The following RNF31 variants were observed in gnomAD, a reference collection of about 807,000 sequenced individuals.
The protein encoded by RNF31 is E3 ubiquitin-protein ligase RNF31.
Under a neutral mutation model 133.6 loss-of-function variants are expected in RNF31, and 38 were observed. The ratio of observed to expected loss-of-function variants is 0.28; its 90% CI spans 0.22 to 0.37. The LOEUF is 0.37. Among genes scored for constraint, RNF31 ranks in the 10% least tolerant of loss-of-function variants. The pLI is 1.00. For synonymous variants in RNF31, 582 were observed against 552.3 expected, an observed-to-expected ratio of 1.05 and a Z score of -0.75; for missense variants, 1,118 against 1,394.1, an observed-to-expected ratio of 0.80 and a Z score of 3.15.
In RNF31 at chr14:24,150,465, G is replaced by C. The variant is rs940026197; in HGVS notation, c.1197+17G>C. 4 of 1,598,712 alleles carry C rather than the reference G, an allele frequency of 2.5e-6. No homozygotes were observed. In the South Asian group the frequency reaches 4.5e-5, roughly 18 times the overall value. On this transcript the variant is annotated intron_variant, in intron 7 of 20. Coordinates refer to ENST00000324103, the MANE Select transcript of RNF31 (RefSeq NM_017999.5). ...CCCCTTCAGGTAACTGGCCTTCCCAGCTCTTTATCGTGTGTTACCTCAGGC... is the reference window on the plus strand; with the variant it reads ...CCCCTTCAGGTAACTGGCCTTCCCACCTCTTTATCGTGTGTTACCTCAGGC...
intron 15 of RNF31, 53 bp downstream of exon 15, chr14:24,157,457 C>T: frequency 6.2e-7 from 1 of 1,602,320 alleles, no homozygotes; most frequent in East Asian, 2.2e-5. Context: ...TTGCCAGCAG[C>T]TCTCTTCCTG....
chr14:24,149,464 A>G lies in RNF31; in HGVS notation c.690A>G (p.Pro230=), dbSNP rs751749904. ...CTGCCCCAGGCACACTGCACTGCCCATCCTGTAAACAGGCCCTGTGTCCAG... is the reference window on the plus strand; with the variant it reads ...CTGCCCCAGGCACACTGCACTGCCCGTCCTGTAAACAGGCCCTGTGTCCAG... ...CGSAPGTLHC[P]SCKQALCPAC... is the part of the protein sequence containing the mutation. Residue 230 remains proline (P), a synonymous_variant, in exon 6 of 21, where the codon CCA becomes CCG. Coordinates refer to ENST00000324103, the MANE Select transcript of RNF31 (RefSeq NM_017999.5). The G allele has an allele frequency of 4.4e-5, 71 of 1,613,976 alleles. No individual in the cohort carries two copies. Among genetic ancestry groups the G allele is most frequent in the Non-Finnish European group, 5.8e-5 (69 of 1,180,002 alleles).
Position 24,148,378 on chromosome 14 carries a change from C to A in RNF31, c.460C>A (p.Leu154Met), listed in dbSNP as rs2038206426. The A allele has an allele frequency of 2.5e-6, 4 of 1,614,120 alleles. No individual in the cohort carries two copies. The highest frequency in any genetic ancestry group is 3.4e-6 in the Non-Finnish European group (4 of 1,180,032). ...GGTTGCTACAGTCACACTGGAAGTA[C>A]TGCTGCTTCGGACAGAGCTCAGCCT... is the stretch of plus-strand genomic sequence containing the variant. ...HQVATVTLEVLLLRTELSLLL... is the reference protein window; with the variant it reads ...HQVATVTLEVMLLRTELSLLL... The change falls in exon 3 of 21, where the codon CTG becomes ATG. Residue 154 changes from leucine (L) to methionine (M), a missense_variant. By Grantham distance (15) the Leu-to-Met change is conservative. Transcript: ENST00000324103.
chr14:24,149,016 T>A, intron 5 of RNF31, 140 bp downstream of exon 5: 1 of 820,670 alleles, frequency 1.2e-6, no homozygotes, highest in Non-Finnish European at 2.0e-6. Flanking sequence ...CAGGCTGGAG[T>A]GCAATGGTGC....
At chr14:24,146,915 A>G, upstream of RNF31, 1 of 430,630 alleles carries the variant, frequency 2.3e-6, no homozygotes. Flanking sequence ...GGGGTAAGAG[A>G]GGTGGGAGTA....
chr14:24,154,984 C>T, intron 11 of RNF31, 173 bp from the exon 12 acceptor site: 1 of 620,098 alleles, frequency 1.6e-6, no homozygotes, highest in Non-Finnish European at 2.8e-6. Flanking sequence ...CTCCACCCGA[C>T]TGTCTTCAGA....
rs760391687 is a variant in RNF31, at chr14:24,157,274, A to T, written c.2494-16A>T. ...GGGATAGAGCTCCCATGTGAAGCCT[A>T]CTTTCCCTCTGGCAGTGGGAGGAGC... On this transcript the variant is annotated splice_polypyrimidine_tract_variant and intron_variant, in intron 14 of 20. Transcript: ENST00000324103. The T allele has an allele frequency of 6.3e-7, 1 of 1,581,044 alleles. No homozygotes were observed. The highest frequency in any genetic ancestry group is 8.6e-7 in the Non-Finnish European group (1 of 1,157,026).
chr14:24,153,034 T>C (rs2038290725), intron 11 of RNF31, among the ~76,000 whole-genome samples: 1 of 150,568 alleles, frequency 6.6e-6, no homozygotes, highest in African/African-American at 2.4e-5. Flanking sequence ...TGAGCCGAGA[T>C]CGCGCCACTG....
chr14:24,158,042 G>A (rs1379215440), intron 17 of RNF31, 31 bp downstream of exon 17: 1 of 1,610,670 alleles, frequency 6.2e-7, no homozygotes, highest in Non-Finnish European at 8.5e-7. Context: ...AAGAAGACAG[G>A]GCCCAGGGTG....
intron 11 of RNF31, 56 bp downstream of exon 11, chr14:24,152,048 C>T (rs2038275018): frequency 6.6e-6 from 10 of 1,511,984 alleles, no homozygotes; most frequent in Admixed American, 3.8e-5. Flanking sequence ...TTTGGACCCC[C>T]ATCCTACCCC....
In RNF31 at chr14:24,155,158, T is replaced by C. The variant is rs1289317869; in HGVS notation, c.2132T>C (p.Met711Thr). The C allele has an allele frequency of 6.2e-7, 1 of 1,613,706 alleles. No homozygotes were observed. The highest frequency in any genetic ancestry group is 8.5e-7 in the Non-Finnish European group (1 of 1,179,744). ...VCGWALPHNRMQALTSCECTI... is the reference protein window; with the variant it reads ...VCGWALPHNRTQALTSCECTI... The stretch of plus-strand genomic sequence containing the variant: ...CCCCTCCAACCCCTCACCCTCCAGA[T>C]GCAGGCCCTGACTTCCTGTGAGTGC... The change falls in exon 12 of 21, where the codon ATG (methionine) becomes ACG (threonine). Residue 711 changes from methionine to threonine, a missense_variant and splice_region_variant. Transcript: ENST00000324103. The surrounding 1 kb of genome is among the most constrained non-coding windows in gnomAD (Gnocchi z 4.9).
rs767904713 is a variant in RNF31, at chr14:24,150,109, C to T, written c.858C>T (p.Ala286=). The T allele has an allele frequency of 3.1e-6, 5 of 1,604,272 alleles. No individual in the cohort carries two copies. The Admixed American group carries it at 8.4e-5, about 27-fold the overall frequency. Reference sequence around the variant, plus strand: ...GGCCCCAGTCGACCTCCCTGCTGGCCCTGGGAGACAGCTCTCTTTCTTCCC... The same window carrying T: ...GGCCCCAGTCGACCTCCCTGCTGGCTCTGGGAGACAGCTCTCTTTCTTCCC... The part of the protein sequence containing the change: ...QPRPQSTSLL[A]LGDSSLSSPN... Residue 286 remains alanine (A), a synonymous_variant, in exon 7 of 21, where the codon GCC becomes GCT. Transcript: ENST00000324103.
chr14:24,148,106 C>T lies in RNF31; in HGVS notation c.323C>T (p.Thr108Met). ...TTTAATAACCCTGTCTTTCGCAGCACGGTGGATGCTGTGCAGGTGAATCCC... is the reference window on the plus strand; with the variant it reads ...TTTAATAACCCTGTCTTTCGCAGCATGGTGGATGCTGTGCAGGTGAATCCC... ...VKFNNPVFRS[T>M]VDAVQGGRDV... The change falls in exon 2 of 21, where the codon ACG becomes ATG. Residue 108 changes from threonine to methionine, a missense_variant. Physicochemically the swap from Thr to Met is moderately conservative, Grantham distance 81. Around this residue, in one of 3 missense-constraint regions of RNF31, gnomAD observed 747 missense variants for 827.9 expected, o/e 0.90. Transcript: ENST00000324103. 1 of 1,614,168 alleles carries T rather than the reference C, an allele frequency of 6.2e-7. No individual in the cohort carries two copies.
chr14:24,148,066 T>C lies in RNF31; in HGVS notation c.283T>C (p.Trp95Arg). 1 of 1,614,228 alleles carries C rather than the reference T, an allele frequency of 6.2e-7. No individual in the cohort carries two copies. The highest frequency in any genetic ancestry group is 8.5e-7 in the Non-Finnish European group (1 of 1,180,032). ...TCTCAGCCCTCAGCGGCCTCGGTAC[T>C]GGCGTGGTGTCAAGTTTAATAACCC... is the stretch of plus-strand genomic sequence containing the variant. Reference protein sequence around the residue: ...NLLSPQRPRYWRGVKFNNPVF... With the variant: ...NLLSPQRPRYRRGVKFNNPVF... The change falls in exon 2 of 21, where the codon TGG becomes CGG. Residue 95 changes from tryptophan to arginine, a missense_variant. Trp to Arg is a moderately radical substitution (Grantham distance 101, BLOSUM62 -3). This residue lies in a region of RNF31 where 747 missense variants were observed against 827.9 expected (regional missense o/e 0.90). Transcript: ENST00000324103.
At chr14:24,158,901 C>T (rs11627281) in intron 18 of RNF31, among the ~76,000 whole-genome samples, 8,502 of 151,466 alleles carry the variant, frequency 0.056, 635 homozygotes, top group Admixed American at 0.2. Context: ...GGCGTGGTGG[C>T]GGGCGCCTGT....
intron 6 of RNF31, 115 bp downstream of exon 6, chr14:24,149,698 A>T: frequency 9.5e-7 from 1 of 1,055,140 alleles, no homozygotes; most frequent in African/African-American, 1.6e-5. Flanking sequence ...ACAAGTAGCC[A>T]GTCAGAACCC....
rs184184005 is a variant in RNF31 at position 24,151,499 on chromosome 14, G to T, written c.1752G>T (p.Gln584His). 1,614 of 1,614,222 alleles carry T rather than the reference G, an allele frequency of 1.0e-3. 3 individuals carry two copies. The highest frequency in any genetic ancestry group is 3.4e-3 in the Admixed American group (205 of 60,030). Residue 584 changes from glutamine (Q) to histidine (H), a missense_variant, in exon 10 of 21, where the codon CAG becomes CAT. Physicochemically the swap from Gln to His is conservative, Grantham distance 24. Around this residue, in one of 3 missense-constraint regions of RNF31, gnomAD observed 747 missense variants for 827.9 expected, o/e 0.90. Transcript: ENST00000324103. The surrounding 1 kb of genome is among the most constrained non-coding windows in gnomAD (Gnocchi z 5.3). ...CCATCTTGCAGGTGCAGGAGCTCCAGTCTCTAGGCTTTGGGCCTGAGGAGG... is the reference window on the plus strand; with the variant it reads ...CCATCTTGCAGGTGCAGGAGCTCCATTCTCTAGGCTTTGGGCCTGAGGAGG... The part of the protein sequence containing the change: ...RTRRRKVQEL[Q>H]SLGFGPEEGS...
intron 14 of RNF31, among the ~76,000 whole-genome samples, chr14:24,157,062 G>C (rs1179557854): frequency 6.6e-6 from 1 of 152,166 alleles, no homozygotes; most frequent in Non-Finnish European, 1.5e-5. Context: ...AGGAAAAGGG[G>C]ATATGGTTGA....
At chr14:24,157,813 C>G (rs2038368215) in intron 16 of RNF31, 85 bp from the exon 17 acceptor site, 1 of 1,209,134 alleles carries the variant, frequency 8.3e-7, no homozygotes, top group Non-Finnish European at 1.2e-6. Context: ...CTCCCCTCAC[C>G]CTTACACCCC....
Sources: allele counts gnomAD v4.1 joint callset (sites outside exome capture counted in the v4.1 genomes callset), GRCh38; gene constraint gnomAD v4.1.1; regional missense constraint gnomAD v4.1.1; non-coding constraint Gnocchi (gnomAD v3.1); transcripts MANE v1.5; gene names NCBI Gene and HGNC (gene_info 2026-07-23, HGNC 2026-07-21).